Variants in ERBB4 observed in about 807,000 individuals in gnomAD.
The protein encoded by ERBB4 is erb-b2 receptor tyrosine kinase 4.
In ERBB4, 42 loss-of-function variants were observed where a neutral mutation model predicts 158.0. The observed-to-expected ratio is 0.27, with a 90% CI of 0.21 to 0.34. The LOEUF (loss-of-function observed/expected upper bound fraction) is 0.34, where lower values mean the gene tolerates loss of function less well. Ranked by LOEUF, ERBB4 falls within the 10% of genes least tolerant of loss-of-function variation. The pLI is 1.00. For synonymous variants in ERBB4, 583 were observed against 558.7 expected (o/e 1.04, Z -0.61); for missense variants, 1,333 against 1,624.1 (o/e 0.82, Z 3.08).
At chr2:212,441,622 A>G (rs1400361263) in intron 1 of ERBB4, among the ~76,000 whole-genome samples, 2 of 152,138 alleles carry the variant, frequency 1.3e-5, no homozygotes, top group Non-Finnish European at 2.9e-5. Context: ...ATAGAGTTGG[A>G]TCAGGCTGAA....
chr2:211,871,965 G>A (rs182705723), intron 3 of ERBB4, among the ~76,000 whole-genome samples: 3 of 152,182 alleles, frequency 2.0e-5, no homozygotes, highest in East Asian at 3.9e-4. Context: ...GAGATGCAGA[G>A]GGTACAGGAA....
At chr2:212,082,795 C>T (rs1165830491) in intron 2 of ERBB4, among the ~76,000 whole-genome samples, 2 of 151,994 alleles carry the variant, frequency 1.3e-5, no homozygotes, top group Non-Finnish European at 2.9e-5. Context: ...TTAAACATTA[C>T]ATGCATGCAT....
chr2:212,093,192 A>G (rs2078831045), intron 2 of ERBB4, among the ~76,000 whole-genome samples: 2 of 152,166 alleles, frequency 1.3e-5, no homozygotes, highest in Non-Finnish European at 2.9e-5. Context: ...ATCCCAATGG[A>G]AAGTATCTCC....
chr2:212,377,833 T>C (rs7424243), intron 1 of ERBB4, among the ~76,000 whole-genome samples: 2 of 152,032 alleles, frequency 1.3e-5, no homozygotes, highest in African/African-American at 4.8e-5. Context: ...ATAAGTTTTT[T>C]AATTTTTTAA....
chr2:211,555,941 C>T (rs905386391), intron 20 of ERBB4, among the ~76,000 whole-genome samples: 26 of 152,138 alleles, frequency 1.7e-4, no homozygotes, highest in African/African-American at 4.1e-4. Flanking sequence ...GCTAACATCA[C>T]GATGACAGGA....
chr2:211,577,104 G>A (rs920596351), intron 19 of ERBB4, among the ~76,000 whole-genome samples: 10 of 152,152 alleles, frequency 6.6e-5, no homozygotes. Flanking sequence ...GGTAATATAT[G>A]TGAAAGAGTC....
chr2:211,678,774 G>C (rs2072205689), intron 13 of ERBB4, among the ~76,000 whole-genome samples: 1 of 151,888 alleles, frequency 6.6e-6, no homozygotes, highest in South Asian at 2.1e-4. Flanking sequence ...AGACCATCCT[G>C]GCTAACACGG....
chr2:212,313,268 A>G (rs898884107), intron 1 of ERBB4, among the ~76,000 whole-genome samples: 16 of 150,928 alleles, frequency 1.1e-4, no homozygotes, highest in African/African-American at 3.4e-4. Flanking sequence ...ATACCAACAC[A>G]ATATAACTTT....
chr2:212,501,856 G>A (rs979986259), intron 1 of ERBB4, among the ~76,000 whole-genome samples: 3 of 151,980 alleles, frequency 2.0e-5, no homozygotes, highest in Admixed American at 6.6e-5. Context: ...GAAAGCCATC[G>A]AAATATAAAA....
chr2:211,844,957 TG>T (rs1286612256), intron 3 of ERBB4, among the ~76,000 whole-genome samples: 1 of 152,064 alleles, frequency 6.6e-6, no homozygotes, highest in Non-Finnish European at 1.5e-5. Flanking sequence ...GGCACTGCAC[TG>T]AGAGAAAGAA....
intron 3 of ERBB4, among the ~76,000 whole-genome samples, chr2:211,934,660 C>G (rs1486604775): frequency 1.3e-5 from 2 of 151,782 alleles, no homozygotes; most frequent in African/African-American, 4.8e-5. Context: ...AAACACGCTT[C>G]AAATATAACT....
chr2:211,944,177 CTATATATA>C lies in ERBB4; in HGVS notation c.421+3245_421+3252del, dbSNP rs59741173. Among the ~76,000 whole-genome samples the C allele has an allele frequency of 1.8e-4, 7 of 38,580 alleles. 1 individual carries two copies. The highest frequency in any genetic ancestry group is 5.8e-4 in the African/African-American group (5 of 8,600). 25.3% of individuals were successfully genotyped at this position (38,580 alleles called of 152,430 possible). On this transcript the variant is annotated intron_variant, in intron 3 of 27. Coordinates refer to ENST00000342788, the MANE Select transcript of ERBB4 (RefSeq NM_005235.3). ...TATATATATACACTATATATATATA[CTATATATA>C]TATATATATATATACTATATATATA...
intron 1 of ERBB4, among the ~76,000 whole-genome samples, chr2:212,227,937 T>C (rs959971307): frequency 3.3e-5 from 5 of 152,206 alleles, no homozygotes; most frequent in African/African-American, 1.2e-4. Flanking sequence ...GGCATTGTGC[T>C]GTCAGAGGCG....
At chr2:212,161,889 T>G (rs2081212573) in intron 1 of ERBB4, among the ~76,000 whole-genome samples, 1 of 151,830 alleles carries the variant, frequency 6.6e-6, no homozygotes, top group Non-Finnish European at 1.5e-5. Context: ...TAAAAATTCC[T>G]TATTAATCTT....
At chr2:212,226,435 T>C (rs554141190) in intron 1 of ERBB4, among the ~76,000 whole-genome samples, 70 of 151,968 alleles carry the variant, frequency 4.6e-4, no homozygotes, top group African/African-American at 1.6e-3. Context: ...CCCATTAAAT[T>C]TGTGATAATT....
At chr2:211,411,170 G>C (rs1298893661) in intron 25 of ERBB4, among the ~76,000 whole-genome samples, 1 of 152,180 alleles carries the variant, frequency 6.6e-6, no homozygotes, top group Non-Finnish European at 1.5e-5. Flanking sequence ...GCCTCCCAAA[G>C]TGCTGGGATT....
chr2:212,536,271 TA>T (rs150084337), intron 1 of ERBB4, among the ~76,000 whole-genome samples: 20,543 of 148,746 alleles, frequency 0.14, 1,977 homozygotes, highest in African/African-American at 0.28. Context: ...AGCACTGCAT[TA>T]AAACCAGCTG....
chr2:212,241,442 T>C (rs147665856), intron 1 of ERBB4, among the ~76,000 whole-genome samples: 2 of 152,274 alleles, frequency 1.3e-5, no homozygotes, highest in African/African-American at 4.8e-5. Flanking sequence ...TTTTATTAAC[T>C]TACCCACACT....
At chr2:211,392,661 T>C (rs1358584858) in intron 25 of ERBB4, among the ~76,000 whole-genome samples, 1 of 151,776 alleles carries the variant, frequency 6.6e-6, no homozygotes, top group Non-Finnish European at 1.5e-5. Flanking sequence ...TATTCTTTTT[T>C]GTTGTTGTTT....
Sources: gnomAD v4.1 joint callset for allele counts (sites outside exome capture counted in the v4.1 genomes callset) on GRCh38, gnomAD v4.1.1 for gene constraint, MANE v1.5 for transcripts, NCBI Gene and HGNC (gene_info 2026-07-23, HGNC 2026-07-21) for gene names.